The following GRID2 variants were observed in gnomAD, a reference collection of about 807,000 sequenced individuals.
The protein encoded by GRID2 is glutamate ionotropic receptor delta type subunit 2, also known as glutamate receptor ionotropic, delta-2.
A neutral mutation model predicts 114.8 loss-of-function variants in GRID2; 33 were observed. The observed-to-expected ratio is 0.29, with a 90% CI of 0.22 to 0.38. The LOEUF is 0.38. Among genes scored for constraint, GRID2 ranks in the 10% least tolerant of loss-of-function variants. GRID2 has a pLI of 1.00. For synonymous variants in GRID2, 505 were observed against 449.9 expected (o/e 1.12, Z -1.55); for missense variants, 1,184 against 1,257.7 (o/e 0.94, Z 0.89).
intron 2 of GRID2, among the ~76,000 whole-genome samples, chr4:92,918,180 G>T (rs530947515): frequency 7.9e-5 from 12 of 152,092 alleles, no homozygotes; most frequent in Non-Finnish European, 1.5e-4. Context: ...AAGAATGATT[G>T]TTATTTTTGC....
At chr4:93,072,059 C>T (rs2149306143) in intron 2 of GRID2, among the ~76,000 whole-genome samples, 1 of 152,144 alleles carries the variant, frequency 6.6e-6, no homozygotes, top group South Asian at 2.1e-4. Flanking sequence ...AATTACAATG[C>T]AACAAGCACT....
intron 2 of GRID2, among the ~76,000 whole-genome samples, chr4:92,999,892 C>T (rs541761080): frequency 5.3e-5 from 8 of 151,496 alleles, no homozygotes; most frequent in African/African-American, 1.9e-4. Context: ...TTTTATTATT[C>T]TCAGCTAGAT....
chr4:92,630,423 C>T (rs1300930862), intron 2 of GRID2, among the ~76,000 whole-genome samples: 2 of 152,112 alleles, frequency 1.3e-5, no homozygotes, highest in African/African-American at 2.4e-5. Flanking sequence ...TTTTCTGCCC[C>T]ACGAAAACCT....
At chr4:93,081,958 T>C (rs915155693) in intron 2 of GRID2, among the ~76,000 whole-genome samples, 16 of 152,216 alleles carry the variant, frequency 1.1e-4, no homozygotes. Flanking sequence ...TCAGCTGCCA[T>C]GAGTTATAGC....
chr4:93,746,590 T>C (rs1394980171), intron 14 of GRID2, among the ~76,000 whole-genome samples: 4 of 152,124 alleles, frequency 2.6e-5, no homozygotes, highest in African/African-American at 9.6e-5. Flanking sequence ...GGATTTGATC[T>C]TAGTAGGACT....
chr4:93,282,882 AG>A (rs1752791280), intron 8 of GRID2, among the ~76,000 whole-genome samples: 1 of 152,004 alleles, frequency 6.6e-6, no homozygotes, highest in Admixed American at 6.6e-5. Flanking sequence ...CACAAACAAG[AG>A]GGGAAGCAAG....
intron 1 of GRID2, among the ~76,000 whole-genome samples, chr4:92,517,897 G>T (rs956206908): frequency 6.6e-6 from 1 of 151,422 alleles, no homozygotes; most frequent in African/African-American, 2.4e-5. Flanking sequence ...TTTCAGATAG[G>T]CAAAAACAAA....
intron 14 of GRID2, among the ~76,000 whole-genome samples, chr4:93,723,130 T>C (rs1729536559): frequency 6.6e-6 from 1 of 152,230 alleles, no homozygotes. Context: ...ACTTAGCCCC[T>C]ACCAGAATGA....
intron 1 of GRID2, among the ~76,000 whole-genome samples, chr4:93,796,089 T>G (rs953654581): frequency 6.6e-6 from 1 of 152,094 alleles, no homozygotes; most frequent in African/African-American, 2.4e-5. Context: ...GCTCTTAAGG[T>G]TGCCCACAGC....
intron 14 of GRID2, among the ~76,000 whole-genome samples, chr4:93,691,513 C>T (rs1726561517): frequency 6.6e-6 from 1 of 151,996 alleles, no homozygotes; most frequent in African/African-American, 2.4e-5. Flanking sequence ...CTCAACTTTG[C>T]TGTTTATTAG....
intron 8 of GRID2, among the ~76,000 whole-genome samples, chr4:93,372,127 G>T (rs1716327569): frequency 1.3e-5 from 2 of 152,090 alleles, no homozygotes; most frequent in Non-Finnish European, 2.9e-5. Flanking sequence ...CTGCTTCAAA[G>T]ACCTCATTAT....
At chr4:93,253,082 T>C (rs573295147) in intron 8 of GRID2, among the ~76,000 whole-genome samples, 1 of 100,802 alleles carries the variant, frequency 9.9e-6, no homozygotes, top group African/African-American at 4.9e-5. Flanking sequence ...ACCCCGTCTC[T>C]ACTAAAAATA....
At chr4:92,687,690 G>A (rs374827508) in intron 2 of GRID2, among the ~76,000 whole-genome samples, 11 of 152,094 alleles carry the variant, frequency 7.2e-5, no homozygotes, top group African/African-American at 1.7e-4. Flanking sequence ...TTAGCTGGGC[G>A]TTGTGGCCCG....
At chr4:93,634,830 GA>G (rs140707842) in intron 14 of GRID2, among the ~76,000 whole-genome samples, 3,637 of 152,206 alleles carry the variant, frequency 0.024, 75 homozygotes, top group Middle Eastern at 0.068. Flanking sequence ...AGAACTTGGT[GA>G]AAAATCAAAG....
Position 93,094,229 on chromosome 4 carries a change from T to C in GRID2, c.529+8950T>C, listed in dbSNP as rs575185764. 8.4e-4 allele frequency among the ~76,000 whole-genome samples: 128 copies of C among 152,212 alleles called. 1 individual carries two copies. Among genetic ancestry groups the C allele is most frequent in the Admixed American group, 1.4e-3 (22 of 15,254 alleles). On this transcript the variant is annotated intron_variant, in intron 3 of 15. Coordinates refer to ENST00000282020, the MANE Select transcript of GRID2 (RefSeq NM_001510.4). ...GAATAAATGCTAGTTGAATTTATAC[T>C]TCATGACTTGAAAAGCAAGCTGATT... is the stretch of plus-strand genomic sequence containing the variant.
chr4:93,367,707 G>T (rs1029820323), intron 8 of GRID2, among the ~76,000 whole-genome samples: 1 of 152,072 alleles, frequency 6.6e-6, no homozygotes, highest in Non-Finnish European at 1.5e-5. Flanking sequence ...GTGAAATTTT[G>T]ATTGCAAAAT....
chr4:92,923,862 C>G (rs969826739), intron 2 of GRID2, among the ~76,000 whole-genome samples: 8 of 152,148 alleles, frequency 5.3e-5, no homozygotes, highest in Non-Finnish European at 8.8e-5. Flanking sequence ...GGATCTAGAA[C>G]TAGAAATACC....
chr4:93,241,385 T>C (rs1195542431), intron 8 of GRID2, among the ~76,000 whole-genome samples: 1 of 151,666 alleles, frequency 6.6e-6, no homozygotes, highest in Non-Finnish European at 1.5e-5. Flanking sequence ...TGGATCGTTA[T>C]CAATCTCGGA....
chr4:93,369,748 C>T (rs7438397), intron 8 of GRID2, among the ~76,000 whole-genome samples: 6,157 of 152,254 alleles, frequency 0.04, 175 homozygotes, highest in Middle Eastern at 0.078. Flanking sequence ...CTTGGCCTCC[C>T]AAACTGCTGG....
Sources: gnomAD v4.1 joint callset for allele counts (sites outside exome capture counted in the v4.1 genomes callset) on GRCh38, gnomAD v4.1.1 for gene constraint, MANE v1.5 for transcripts, NCBI Gene and HGNC (gene_info 2026-07-23, HGNC 2026-07-21) for gene names.